Variants in NAALADL2 observed in about 807,000 individuals in gnomAD.
NAALADL2 encodes the protein inactive N-acetylated-alpha-linked acidic dipeptidase-like protein 2.
Under a neutral mutation model 87.2 loss-of-function variants are expected in NAALADL2, and 76 were observed. That is an observed-to-expected ratio of 0.87 (90% CI 0.72 to 1.05). NAALADL2 has a LOEUF of 1.05. NAALADL2 is among the 50% of genes least tolerant of loss of function. The pLI is 0.00. For synonymous variants in NAALADL2, 354 were observed against 331.0 expected, an observed-to-expected ratio of 1.07 and a Z score of -0.75; for missense variants, 1,089 against 945.8, an observed-to-expected ratio of 1.15 and a Z score of -1.99.
At chr3:175,298,916 G>T (rs563901984) in intron 4 of NAALADL2, among the ~76,000 whole-genome samples, 165 of 152,122 alleles carry the variant, frequency 1.1e-3, no homozygotes, top group African/African-American at 3.8e-3. Flanking sequence ...TACATTTGGG[G>T]CTATATATTG....
intron 1 of NAALADL2, among the ~76,000 whole-genome samples, chr3:174,873,299 G>A (rs531574590): frequency 6.6e-6 from 1 of 151,648 alleles, no homozygotes; most frequent in African/African-American, 2.4e-5. Flanking sequence ...CTGTCGCCCA[G>A]GCTGGAATGC....
chr3:174,488,095 T>G (rs775199112), intron 1 of NAALADL2, among the ~76,000 whole-genome samples: 1 of 151,970 alleles, frequency 6.6e-6, no homozygotes, highest in African/African-American at 2.4e-5. Context: ...GCTCAGAAGT[T>G]TAGTAATATT....
At chr3:174,786,929 A>AT (rs1309367002) in intron 3 of NAALADL2, among the ~76,000 whole-genome samples, 4 of 152,158 alleles carry the variant, frequency 2.6e-5, no homozygotes, top group African/African-American at 9.7e-5. Flanking sequence ...CTGGCTAGCC[A>AT]TGTCATGGTG....
chr3:174,822,171 G>T (rs1721497895), intron 3 of NAALADL2, among the ~76,000 whole-genome samples: 1 of 128,570 alleles, frequency 7.8e-6, no homozygotes, highest in Non-Finnish European at 1.7e-5. Context: ...CACACACACA[G>T]GGCGGAGGGA....
intron 2 of NAALADL2, among the ~76,000 whole-genome samples, chr3:174,648,072 CAAAAAG>C (rs1723979887): frequency 6.6e-6 from 1 of 151,718 alleles, no homozygotes; most frequent in East Asian, 1.9e-4. Context: ...TACCTATGGT[CAAAAAG>C]AAAAAGGGGA....
chr3:175,170,922 A>G (rs527584508), intron 2 of NAALADL2, among the ~76,000 whole-genome samples: 3 of 152,038 alleles, frequency 2.0e-5, no homozygotes, highest in African/African-American at 4.8e-5. Context: ...AAGGAAATAT[A>G]CTAAAATGCT....
chr3:174,505,423 T>C (rs1719140455), intron 1 of NAALADL2, among the ~76,000 whole-genome samples: 1 of 152,202 alleles, frequency 6.6e-6, no homozygotes, highest in African/African-American at 2.4e-5. Flanking sequence ...TGGTCATGGT[T>C]AGTGAAGATC....
chr3:174,667,939 CTTTA>C (rs935297846), intron 2 of NAALADL2, among the ~76,000 whole-genome samples: 1 of 151,858 alleles, frequency 6.6e-6, no homozygotes, highest in Non-Finnish European at 1.5e-5. Context: ...TTTGAGAAAT[CTTTA>C]TTTTTTTTAT....
At chr3:175,192,595 G>T (rs1266491982) in intron 2 of NAALADL2, among the ~76,000 whole-genome samples, 2 of 151,858 alleles carry the variant, frequency 1.3e-5, no homozygotes, top group Non-Finnish European at 2.9e-5. Flanking sequence ...GGCTACCAAA[G>T]GTAGAAAATT....
intron 2 of NAALADL2, among the ~76,000 whole-genome samples, chr3:174,654,911 A>G (rs910957381): frequency 6.6e-6 from 1 of 151,742 alleles, no homozygotes; most frequent in Admixed American, 6.6e-5. Flanking sequence ...AATTTTTTGT[A>G]TTTTTAGTAG....
intron 1 of NAALADL2, among the ~76,000 whole-genome samples, chr3:174,905,382 C>A (rs888633732): frequency 6.7e-6 from 1 of 150,076 alleles, no homozygotes; most frequent in Non-Finnish European, 1.5e-5. Flanking sequence ...AAAATAGTTA[C>A]AATTAAGAAT....
rs115538569 is a variant in NAALADL2 at position 175,059,423 on chromosome 3, G to A, written c.44-37367G>A. On this transcript the variant is annotated intron_variant, in intron 1 of 13. Coordinates refer to ENST00000454872, the MANE Select transcript of NAALADL2 (RefSeq NM_207015.3). ...ATCCTCAAAAGCAGTGACCTGCTCC[G>A]CCAGTGTATCTGCTCCAACTTTATC... 3.8e-3 allele frequency: 613 copies of A among 161,008 alleles called. 8 individuals are homozygous for A. The highest frequency in any genetic ancestry group is 0.014 in the African/African-American group (586 of 41,560). The allele number at this position is 161,008 out of a possible 1,614,324, so 10.0% of individuals were successfully genotyped here.
Position 175,068,289 on chromosome 3 carries a change from C to T in NAALADL2, c.44-28501C>T, listed in dbSNP as rs148858576. Among the ~76,000 whole-genome samples the T allele has an allele frequency of 9.1e-3, 1,381 of 152,110 alleles. 17 individuals are homozygous for T. Among genetic ancestry groups the T allele is most frequent in the South Asian group, 0.035 (168 of 4,824 alleles). ...ATAGAATAAAAAATTAGTTTTTACACTTCTTACTCCTCACAGGAATGGATG... is the reference window on the plus strand; with the variant it reads ...ATAGAATAAAAAATTAGTTTTTACATTTCTTACTCCTCACAGGAATGGATG... On this transcript the variant is annotated intron_variant, in intron 1 of 13. Transcript: ENST00000454872.
rs535169070 is a variant in NAALADL2 at position 175,782,920 on chromosome 3, A to C, written c.2190-20085A>C. Among the ~76,000 whole-genome samples, 615 of 147,724 alleles carry C rather than the reference A, an allele frequency of 4.2e-3. 5 individuals carry two copies. Among genetic ancestry groups the C allele is most frequent in the Non-Finnish European group, 7.5e-3 (509 of 67,478 alleles). ...AAGGGATCCAGTTTCAGCTTTCTAC[A>C]TATGGCTAGCCAGTTTTCCCAGCAC... On this transcript the variant is annotated intron_variant, in intron 13 of 13. Coordinates refer to ENST00000454872, the MANE Select transcript of NAALADL2 (RefSeq NM_207015.3).
At chr3:175,357,317 C>A (rs1764493062) in intron 5 of NAALADL2, among the ~76,000 whole-genome samples, 1 of 152,080 alleles carries the variant, frequency 6.6e-6, no homozygotes, top group African/African-American at 2.4e-5. Flanking sequence ...AAGTTGGTTA[C>A]ATGTATCACA....
intron 11 of NAALADL2, among the ~76,000 whole-genome samples, chr3:175,721,392 G>A (rs778060445): frequency 3.9e-5 from 6 of 151,962 alleles, no homozygotes; most frequent in Non-Finnish European, 7.4e-5. Context: ...TTATAATAGC[G>A]TTGTAAATAG....
intron 5 of NAALADL2, among the ~76,000 whole-genome samples, chr3:175,410,769 T>C (rs62288024): frequency 0.12 from 17,554 of 152,246 alleles, 1,122 homozygotes; most frequent in Middle Eastern, 0.24. Context: ...GGCATAAGTA[T>C]GCCTTAGCTT....
Position 175,718,326 on chromosome 3 carries a change from T to C in NAALADL2, c.1897-18980T>C. The C allele has an allele frequency of 1.9e-6, 3 of 1,596,670 alleles. No homozygotes were observed. In the South Asian group the frequency reaches 3.3e-5, roughly 18 times the overall value. ...CTCTTGCAGGACAACTTTGATGCTA[T>C]ATGAATTCTGCCATTTTGCTAGCAC... On this transcript the variant is annotated intron_variant, in intron 11 of 13. Transcript: ENST00000454872.
chr3:174,562,776 C>T (rs756521605), intron 2 of NAALADL2, among the ~76,000 whole-genome samples: 2 of 151,690 alleles, frequency 1.3e-5, no homozygotes, highest in African/African-American at 2.4e-5. Flanking sequence ...TATTCTGTCA[C>T]GAGACCTTCT....
Sources: allele counts gnomAD v4.1 joint callset (sites outside exome capture counted in the v4.1 genomes callset), GRCh38; gene constraint gnomAD v4.1.1; transcripts MANE v1.5; gene names NCBI Gene and HGNC (gene_info 2026-07-23, HGNC 2026-07-21).